Variants in GPHN observed in about 807,000 individuals in gnomAD.
The protein encoded by GPHN is gephyrin.
A neutral mutation model predicts 95.5 loss-of-function variants in GPHN; 17 were observed. That is an observed-to-expected ratio of 0.18 (90% CI 0.12 to 0.27). The LOEUF (loss-of-function observed/expected upper bound fraction) is 0.27, where lower values mean the gene tolerates loss of function less well. Ranked by LOEUF, GPHN falls within the 10% of genes least tolerant of loss-of-function variation. GPHN has a pLI of 1.00. For synonymous variants in GPHN, 320 were observed against 322.5 expected (o/e 0.99, Z 0.08); for missense variants, 660 against 978.1 (o/e 0.67, Z 4.34).
chr14:67,704,285 C>T, the GPHN span, among the ~76,000 whole-genome samples: 2 of 152,176 alleles, frequency 1.3e-5, no homozygotes, highest in Non-Finnish European at 2.9e-5. Flanking sequence ...AGGAGAAAGC[C>T]TCCTAAATCA....
intron 2 of GPHN, among the ~76,000 whole-genome samples, chr14:66,748,149 A>G (rs929030369): frequency 2.0e-5 from 3 of 152,094 alleles, no homozygotes; most frequent in African/African-American, 4.8e-5. Context: ...CTAAATATGT[A>G]AAAAATAATT....
chr14:66,756,957 A>G (rs2058579286), intron 2 of GPHN, among the ~76,000 whole-genome samples: 1 of 152,202 alleles, frequency 6.6e-6, no homozygotes, highest in Admixed American at 6.5e-5. Flanking sequence ...TGGTCTTTGA[A>G]TTACCTGAAT....
the GPHN span, chr14:67,727,189 A>G: frequency 2.5e-6 from 4 of 1,611,196 alleles, no homozygotes; most frequent in Admixed American, 6.7e-5. Flanking sequence ...AGAGGCTCCA[A>G]GGTAAGTCTG....
At chr14:67,089,133 C>CTTTGTTTTTTTTTTTTTTTTTTT in intron 12 of GPHN, 58 bp downstream of exon 12, 1 of 198,574 alleles carries the variant, frequency 5.0e-6, no homozygotes, top group Admixed American at 1.2e-4. Flanking sequence ...TTCTTTTTTT[C>CTTTGTTTTTTTTTTTTTTTTTTT]TTTTTTTTTT....
chr14:66,663,527 G>A (rs928329314), intron 1 of GPHN, among the ~76,000 whole-genome samples: 2 of 152,122 alleles, frequency 1.3e-5, no homozygotes, highest in Non-Finnish European at 2.9e-5. Context: ...AAAGCACACT[G>A]GAGTACACAG....
intron 2 of GPHN, among the ~76,000 whole-genome samples, chr14:66,700,165 TTCAAAGAAAAATTGGTA>T (rs1340359346): frequency 2.0e-5 from 3 of 152,148 alleles, no homozygotes; most frequent in Admixed American, 2.0e-4. Flanking sequence ...GTAGAGGATA[TTCAAAGAAAAATTGGTA>T]TCAGTAAAAT....
the GPHN span, among the ~76,000 whole-genome samples, chr14:67,308,234 TA>T: frequency 1.7e-3 from 237 of 138,708 alleles, 1 homozygote; most frequent in African/African-American, 2.4e-3. Flanking sequence ...CTTAACAGTT[TA>T]AAAAAAAAAA....
intron 1 of GPHN, among the ~76,000 whole-genome samples, chr14:66,611,850 C>T (rs2062794932): frequency 6.6e-6 from 1 of 152,118 alleles, no homozygotes. Flanking sequence ...GTATTGCTTC[C>T]ATACTATTCT....
chr14:67,553,105 A>G, the GPHN span, among the ~76,000 whole-genome samples: 2 of 152,228 alleles, frequency 1.3e-5, no homozygotes. Context: ...CTCCATTTGC[A>G]AAAGAGCAAG....
At chr14:67,496,796 T>TGC in the GPHN span, among the ~76,000 whole-genome samples, 29 of 72,878 alleles carry the variant, frequency 4.0e-4, no homozygotes, top group African/African-American at 4.7e-4. Flanking sequence ...CTGTCTTTCT[T>TGC]TCTTGCTTGC....
chr14:67,299,533 A>G, the GPHN span, among the ~76,000 whole-genome samples: 1 of 152,228 alleles, frequency 6.6e-6, no homozygotes, highest in African/African-American at 2.4e-5. Context: ...TGGTATAGCT[A>G]AAGAACAGTA....
At chr14:67,630,643 G>A in the GPHN span, among the ~76,000 whole-genome samples, 13 of 152,166 alleles carry the variant, frequency 8.5e-5, no homozygotes, top group African/African-American at 2.7e-4. Context: ...GCAGTGGCGC[G>A]ATCTTGGCTC....
chr14:67,662,519 C>T, the GPHN span: 1 of 1,611,500 alleles, frequency 6.2e-7, no homozygotes, highest in Admixed American at 1.7e-5. Context: ...AATCCCTGAT[C>T]AATTTCTTCT....
chr14:67,491,894 C>CG, the GPHN span, among the ~76,000 whole-genome samples: 1 of 152,172 alleles, frequency 6.6e-6, no homozygotes, highest in Non-Finnish European at 1.5e-5. Flanking sequence ...GCCCAGGCCG[C>CG]GGGGGCCTGC....
intron 12 of GPHN, among the ~76,000 whole-genome samples, chr14:67,096,568 G>C (rs2153673916): frequency 6.6e-6 from 1 of 151,254 alleles, no homozygotes; most frequent in South Asian, 2.1e-4. Context: ...CACTATGCTA[G>C]ACAGAATAAT....
the GPHN span, among the ~76,000 whole-genome samples, chr14:67,212,354 C>T: frequency 6.6e-6 from 1 of 151,798 alleles, no homozygotes; most frequent in African/African-American, 2.4e-5. Context: ...CACCTGTAAT[C>T]CCATGGGCAG....
At chr14:66,639,847 A>G (rs920146890) in intron 1 of GPHN, among the ~76,000 whole-genome samples, 20 of 152,278 alleles carry the variant, frequency 1.3e-4, no homozygotes, top group African/African-American at 4.8e-4. Context: ...AGATATATAC[A>G]TATGAAATTT....
intron 21 of GPHN, among the ~76,000 whole-genome samples, chr14:67,169,441 G>A (rs755461465): frequency 6.6e-6 from 1 of 152,170 alleles, no homozygotes; most frequent in Non-Finnish European, 1.5e-5. Flanking sequence ...TGACTTCAAC[G>A]ATAAATTTTA....
At chr14:66,745,081 T>G (rs1447174537) in intron 2 of GPHN, among the ~76,000 whole-genome samples, 1 of 152,144 alleles carries the variant, frequency 6.6e-6, no homozygotes, top group Non-Finnish European at 1.5e-5. Context: ...AGGTTATGAA[T>G]ACTACATTAA....
Sources: gnomAD v4.1 joint callset for allele counts (sites outside exome capture counted in the v4.1 genomes callset) on GRCh38, gnomAD v4.1.1 for gene constraint, MANE v1.5 for transcripts, NCBI Gene and HGNC (gene_info 2026-07-23, HGNC 2026-07-21) for gene names.